PLEKHG1: variants seen among roughly 807,000 people sequenced by gnomAD.
PLEKHG1 encodes pleckstrin homology and RhoGEF domain containing G1.
Under a neutral mutation model 100.8 loss-of-function variants are expected in PLEKHG1, and 44 were observed. The ratio of observed to expected loss-of-function variants is 0.44; its 90% CI spans 0.34 to 0.56. The LOEUF is 0.56. Among genes scored for constraint, PLEKHG1 ranks in the 20% least tolerant of loss-of-function variants. PLEKHG1 has a pLI of 0.01. For missense variants in PLEKHG1, 1,545 were observed against 1,720.9 expected (o/e 0.90, Z 1.81); for synonymous variants, 640 against 662.5 (o/e 0.97, Z 0.52).
intron 3 of PLEKHG1, among the ~76,000 whole-genome samples, chr6:150,666,263 C>T (rs1180966974): frequency 6.6e-6 from 1 of 152,152 alleles, no homozygotes; most frequent in East Asian, 1.9e-4. Flanking sequence ...TCAACTGATG[C>T]ATTCAGGTTG....
At chr6:150,747,011 C>G (rs1052261242) in intron 2 of PLEKHG1, among the ~76,000 whole-genome samples, 2 of 152,218 alleles carry the variant, frequency 1.3e-5, no homozygotes, top group African/African-American at 4.8e-5. Flanking sequence ...TTAAAAACTT[C>G]AGTTAACTCA....
chr6:150,657,995 A>G (rs1169045358), intron 3 of PLEKHG1, among the ~76,000 whole-genome samples: 1 of 152,240 alleles, frequency 6.6e-6, no homozygotes, highest in Non-Finnish European at 1.5e-5. Context: ...CCCAAGCTTA[A>G]GAAGTCAATA....
intron 1 of PLEKHG1, among the ~76,000 whole-genome samples, chr6:150,617,743 G>A (rs1777131566): frequency 6.6e-6 from 1 of 152,210 alleles, no homozygotes; most frequent in Admixed American, 6.5e-5. Flanking sequence ...GCCTTCACCA[G>A]GGCTTAAAAT....
intron 15 of PLEKHG1, among the ~76,000 whole-genome samples, chr6:150,838,462 G>A (rs754846580): frequency 3.9e-5 from 6 of 152,276 alleles, no homozygotes; most frequent in Admixed American, 6.5e-5. Flanking sequence ...TTTTATGTGT[G>A]TCCCAAGACA....
In PLEKHG1 at chr6:150,819,701, T is replaced by C. The variant is rs760313550; in HGVS notation, c.1335T>C (p.Ser445=). 10 of 1,610,938 alleles carry C rather than the reference T, an allele frequency of 6.2e-6. No individual in the cohort carries two copies. The South Asian group carries it at 9.9e-5, about 16-fold the overall frequency. ...CAGATCATCCAGGCTTCTGTTACAGTCCTGAGGGAGGGACGAAAGCACTGT... is the reference window on the plus strand; with the variant it reads ...CAGATCATCCAGGCTTCTGTTACAGCCCTGAGGGAGGGACGAAAGCACTGT... Residue 445 remains serine, a synonymous_variant, in exon 12 of 16, where the codon AGT becomes AGC. Transcript: ENST00000358517.
intron 3 of PLEKHG1, among the ~76,000 whole-genome samples, chr6:150,701,204 C>T (rs544438708): frequency 1.3e-5 from 2 of 150,214 alleles, no homozygotes; most frequent in Non-Finnish European, 3.0e-5. Flanking sequence ...CCAATAATCC[C>T]AGCAACTCGG....
chr6:150,821,122 TC>T lies in PLEKHG1; in HGVS notation c.1409-71del, dbSNP rs1431085216. On this transcript the variant is annotated intron_variant, in intron 12 of 15. Coordinates refer to ENST00000358517, the Ensembl canonical transcript of PLEKHG1. ...TGTTAATCTGTCAATAGGCTCATAA[TC>T]CTCTTATAAAGAATAAAGAAAAAGG... is the stretch of plus-strand genomic sequence containing the variant. 6.8e-6 allele frequency: 8 copies of T among 1,183,626 alleles called. No homozygotes were observed. The South Asian group carries it at 1.0e-4, about 15-fold the overall frequency. 73.3% of individuals were successfully genotyped at this position (1,183,626 alleles called of 1,614,324 possible).
intron 2 of PLEKHG1, among the ~76,000 whole-genome samples, chr6:150,747,738 T>C (rs1009143635): frequency 2.0e-5 from 3 of 151,650 alleles, no homozygotes; most frequent in African/African-American, 7.3e-5. Context: ...CTACTAATAA[T>C]ACAAAAAATT....
exon 15 of PLEKHG1, chr6:150,830,840 T>G: frequency 1.9e-6 from 3 of 1,614,164 alleles, no homozygotes; most frequent in Non-Finnish European, 2.5e-6. Flanking sequence ...TACCAGACTA[T>G]GTGAAGATAG....
At chr6:150,647,744 A>G (rs554414862) in intron 2 of PLEKHG1, among the ~76,000 whole-genome samples, 2 of 152,308 alleles carry the variant, frequency 1.3e-5, no homozygotes, top group African/African-American at 4.8e-5. Flanking sequence ...TGTCCTGAGT[A>G]TAATATATTA....
intron 3 of PLEKHG1, among the ~76,000 whole-genome samples, chr6:150,678,063 CATATATATAT>C (rs201616866): frequency 0.012 from 736 of 60,120 alleles, 17 homozygotes; most frequent in East Asian, 0.087. Flanking sequence ...TGTTTTGATG[CATATATATAT>C]ATATATATAT....
At chr6:150,629,950 C>T (rs1467642017) in intron 1 of PLEKHG1, among the ~76,000 whole-genome samples, 1 of 152,074 alleles carries the variant, frequency 6.6e-6, no homozygotes, top group East Asian at 1.9e-4. Flanking sequence ...TACAATTAGA[C>T]AAAGAATATT....
chr6:150,650,169 C>T (rs73004393), intron 2 of PLEKHG1, among the ~76,000 whole-genome samples: 21,848 of 152,000 alleles, frequency 0.14, 1,795 homozygotes, highest in South Asian at 0.25. Flanking sequence ...CCCCTCAACT[C>T]TCTTGCACTG....
chr6:150,682,688 A>G (rs1431821915), intron 3 of PLEKHG1, among the ~76,000 whole-genome samples: 1 of 152,176 alleles, frequency 6.6e-6, no homozygotes, highest in Non-Finnish European at 1.5e-5. Context: ...CCCTTCACAC[A>G]CGGGAGCAGA....
rs188956205 is a variant in PLEKHG1 at position 150,757,146 on chromosome 6, C to A, written c.412-11492C>A. On this transcript the variant is annotated intron_variant, in intron 2 of 15. Coordinates refer to ENST00000358517, the Ensembl canonical transcript of PLEKHG1. ...CTGAGTAGCTGGGATTACAGGCGCCCACTACCACGCCGAGCAATTTTGTTT... is the reference window on the plus strand; with the variant it reads ...CTGAGTAGCTGGGATTACAGGCGCCAACTACCACGCCGAGCAATTTTGTTT... Among the ~76,000 whole-genome samples, 106 of 152,138 alleles carry A rather than the reference C, an allele frequency of 7.0e-4. 2 individuals carry two copies. Among genetic ancestry groups the A allele is most frequent in the East Asian group, 7.7e-4 (4 of 5,178 alleles).
intron 2 of PLEKHG1, among the ~76,000 whole-genome samples, chr6:150,735,077 C>T (rs1433996052): frequency 6.6e-6 from 1 of 150,538 alleles, no homozygotes; most frequent in Non-Finnish European, 1.5e-5. Flanking sequence ...ACCTCCGCCT[C>T]CCGGGTTCAA....
Position 150,683,583 on chromosome 6 carries a change from GCAGTCACGGT to G in PLEKHG1, c.-99+32800_-99+32809del. 1 of 312,406 alleles carries G rather than the reference GCAGTCACGGT, an allele frequency of 3.2e-6. No homozygotes were observed. The highest frequency in any genetic ancestry group is 2.7e-5 in the South Asian group (1 of 36,884). 19.4% of individuals were successfully genotyped at this position (312,406 alleles called of 1,614,324 possible). The stretch of plus-strand genomic sequence containing the variant: ...CTTCCTGACCACTGCTGTTCCCACA[GCAGTCACGGT>G]CATCACTTAGCTTCCTGTTGGGGAA... On this transcript the variant is annotated intron_variant, in intron 3 of 3. Transcript: ENST00000367326. The surrounding 1 kb of genome is among the most constrained non-coding windows in gnomAD (Gnocchi z 4.0).
intron 2 of PLEKHG1, among the ~76,000 whole-genome samples, chr6:150,767,570 G>A (rs1159596188): frequency 6.6e-6 from 1 of 152,204 alleles, no homozygotes; most frequent in Non-Finnish European, 1.5e-5. Flanking sequence ...GAACATGAGA[G>A]AATGAAGGTG....
chr6:150,758,753 G>A (rs1257789890), intron 2 of PLEKHG1, among the ~76,000 whole-genome samples: 2 of 152,154 alleles, frequency 1.3e-5, no homozygotes, highest in African/African-American at 4.8e-5. Context: ...TATGTTGTCT[G>A]TGATACGGAT....
Sources: gnomAD v4.1 joint callset for allele counts (sites outside exome capture counted in the v4.1 genomes callset) on GRCh38, gnomAD v4.1.1 for gene constraint, Gnocchi (gnomAD v3.1) non-coding constraint, MANE v1.5 for transcripts, NCBI Gene and HGNC (gene_info 2026-07-23, HGNC 2026-07-21) for gene names.